The following ULK4 variants were observed in gnomAD, a reference collection of about 807,000 sequenced individuals.
ULK4 encodes the protein unc-51 like kinase 4, also known as inactive serine/threonine-protein kinase ULK4.
ULK4 carries 133 observed loss-of-function variants against 160.6 expected under a neutral mutation model. The observed-to-expected ratio is 0.83, with a 90% confidence interval of 0.72 to 0.96. ULK4 has a LOEUF of 0.96. ULK4 is among the 40% of genes least tolerant of loss of function. The pLI is 0.00. For missense variants in ULK4, 1,580 were observed against 1,499.5 expected, an observed-to-expected ratio of 1.05 and a Z score of -0.89; for synonymous variants, 534 against 539.8, an observed-to-expected ratio of 0.99 and a Z score of 0.15.
Position 41,862,266 on chromosome 3 carries a change from A to C in ULK4, c.1656+21608T>G, listed in dbSNP as rs374375601. ...TTTAATTATTTCAATCTCTTTGTTA[A>C]ATTTATCTGATAGAATTCTAAATTC... is the stretch of plus-strand genomic sequence containing the variant. On this transcript the variant is annotated intron_variant, in intron 17 of 36. Transcript: ENST00000301831. 5.9e-5 allele frequency among the ~76,000 whole-genome samples: 9 copies of C among 152,148 alleles called. No homozygotes were observed. The East Asian group carries it at 1.5e-3, about 26-fold the overall frequency.
At chr3:41,623,816 G>A (rs190286204) in intron 30 of ULK4, among the ~76,000 whole-genome samples, 36 of 152,260 alleles carry the variant, frequency 2.4e-4, no homozygotes, top group African/African-American at 6.3e-4. Context: ...TACAAGAGTA[G>A]ATTTTAAGTG....
intron 31 of ULK4, among the ~76,000 whole-genome samples, chr3:41,606,922 C>T (rs2032411404): frequency 6.6e-6 from 1 of 151,976 alleles, no homozygotes; most frequent in Non-Finnish European, 1.5e-5. Context: ...TCTCTTCGTC[C>T]TGTTTATTGT....
At chr3:41,645,139 A>C (rs1483875801) in intron 30 of ULK4, among the ~76,000 whole-genome samples, 3 of 152,156 alleles carry the variant, frequency 2.0e-5, no homozygotes, top group African/African-American at 7.2e-5. Flanking sequence ...CTTTTCAAAA[A>C]ACCAGCTCCT....
Position 41,398,202 on chromosome 3 carries a change from C to A in ULK4, c.3555G>T (p.Gln1185His), listed in dbSNP as rs2082105183. 1 of 1,613,418 alleles carries A rather than the reference C, an allele frequency of 6.2e-7. No homozygotes were observed. The highest frequency in any genetic ancestry group is 1.3e-5 in the African/African-American group (1 of 74,938). Residue 1185 changes from glutamine to histidine, a missense_variant, in exon 35 of 37, where the codon CAG (glutamine) becomes CAT (histidine). By Grantham distance (24) the Gln-to-His change is conservative (BLOSUM62 0). Transcript: ENST00000301831. ...VSSKCLSILV[Q>H]LYGGENPDSL... Reference sequence around the variant, plus strand: ...TGTCCGGGTTTTCCCCTCCATACAGCTGAACCAGTATAGACAGGCACTTGG... The same window carrying A: ...TGTCCGGGTTTTCCCCTCCATACAGATGAACCAGTATAGACAGGCACTTGG...
At chr3:41,610,088 C>T (rs148706439) in intron 31 of ULK4, among the ~76,000 whole-genome samples, 1,562 of 151,372 alleles carry the variant, frequency 0.01, 9 homozygotes, top group Non-Finnish European at 0.016. Flanking sequence ...GTGATCTCAG[C>T]TCACTGCAAC....
At chr3:41,620,683 G>C (rs2033201473) in intron 30 of ULK4, among the ~76,000 whole-genome samples, 3 of 152,114 alleles carry the variant, frequency 2.0e-5, no homozygotes. Flanking sequence ...AAAGCTGGAA[G>C]CATTCCCTTT....
chr3:41,795,975 A>C (rs2040289275), intron 20 of ULK4, among the ~76,000 whole-genome samples: 1 of 152,192 alleles, frequency 6.6e-6, no homozygotes, highest in Non-Finnish European at 1.5e-5. Context: ...ACTTAAGGGA[A>C]AGGAAAGTAT....
chr3:41,303,178 G>A (rs1002941650), intron 35 of ULK4, among the ~76,000 whole-genome samples: 3 of 152,156 alleles, frequency 2.0e-5, no homozygotes, highest in African/African-American at 4.8e-5. Flanking sequence ...TTTGACTCAC[G>A]CTTTTCTCAG....
intron 32 of ULK4, among the ~76,000 whole-genome samples, chr3:41,488,271 C>T (rs551018473): frequency 2.6e-5 from 4 of 152,192 alleles, no homozygotes; most frequent in Non-Finnish European, 5.9e-5. Flanking sequence ...TATGTTTACA[C>T]ATATTACCTC....
At chr3:41,851,996 C>T (rs149747139) in intron 17 of ULK4, among the ~76,000 whole-genome samples, 2,240 of 151,930 alleles carry the variant, frequency 0.015, 43 homozygotes, top group African/African-American at 0.052. Context: ...ATTGATAGAC[C>T]GCTAGCAAGA....
chr3:41,677,968 C>T (rs2035786208), intron 29 of ULK4, among the ~76,000 whole-genome samples: 1 of 152,056 alleles, frequency 6.6e-6, no homozygotes, highest in African/African-American at 2.4e-5. Context: ...ACTCCTCCTG[C>T]CTGACTGCCT....
intron 22 of ULK4, among the ~76,000 whole-genome samples, chr3:41,749,507 G>A (rs1315484238): frequency 2.0e-5 from 3 of 152,238 alleles, no homozygotes; most frequent in South Asian, 2.1e-4. Context: ...TAGGCTTTGC[G>A]TTAGATGATT....
rs1157560396 is a variant in ULK4, at chr3:41,455,562, C to A, written c.3427G>T (p.Ala1143Ser). ...TTGAGCAGCAGCAGGTCTTCTGCAG[C>A]CTGAGGGTCCTCTCCTGAGCCAGAC... The part of the protein sequence containing the change: ...QKSGSGEDPQ[A>S]AEDLLLLNRP... The change falls in exon 34 of 37, where the codon GCT becomes TCT. Residue 1143 changes from alanine to serine, a missense_variant. By Grantham distance (99) the Ala-to-Ser change is moderately conservative (BLOSUM62 1). Transcript: ENST00000301831. 1 of 1,613,932 alleles carries A rather than the reference C, an allele frequency of 6.2e-7. No individual in the cohort carries two copies. The highest frequency in any genetic ancestry group is 1.7e-5 in the Admixed American group (1 of 60,014).
intron 35 of ULK4, among the ~76,000 whole-genome samples, chr3:41,394,578 T>C (rs1030619866): frequency 6.6e-6 from 1 of 152,098 alleles, no homozygotes; most frequent in African/African-American, 2.4e-5. Flanking sequence ...AAGATCATAT[T>C]GGAAGTGAAA....
At chr3:41,732,132 T>C (rs368234985) in intron 22 of ULK4, among the ~76,000 whole-genome samples, 7 of 152,084 alleles carry the variant, frequency 4.6e-5, no homozygotes, top group African/African-American at 1.4e-4. Context: ...ACAAATGAGA[T>C]TGCATCAAAC....
chr3:41,342,087 A>C (rs1323440788), intron 35 of ULK4, among the ~76,000 whole-genome samples: 2 of 152,196 alleles, frequency 1.3e-5, no homozygotes, highest in Admixed American at 1.3e-4. Flanking sequence ...TGGTTTAATA[A>C]GTTTCCCTCA....
chr3:41,891,570 G>T (rs1187061381), intron 16 of ULK4, among the ~76,000 whole-genome samples: 54 of 151,308 alleles, frequency 3.6e-4, no homozygotes, highest in Admixed American at 3.6e-3. Context: ...TCCAAAGCAT[G>T]GCACAGAGGT....
chr3:41,257,563 G>A (rs2078856819), intron 35 of ULK4, among the ~76,000 whole-genome samples: 1 of 151,536 alleles, frequency 6.6e-6, no homozygotes, highest in African/African-American at 2.4e-5. Context: ...AGCCTGGGAG[G>A]TCAAGGCTTC....
chr3:41,854,835 C>T (rs2125676929), intron 17 of ULK4: 1 of 151,618 alleles, frequency 6.6e-6, no homozygotes, highest in East Asian at 2.0e-4. Context: ...CAGACCCTTT[C>T]AAGTGCCACC....
Sources: allele counts gnomAD v4.1 joint callset (sites outside exome capture counted in the v4.1 genomes callset), GRCh38; gene constraint gnomAD v4.1.1; transcripts MANE v1.5; gene names NCBI Gene and HGNC (gene_info 2026-07-23, HGNC 2026-07-21).